Variants in FAM227A observed in about 807,000 individuals in gnomAD.
FAM227A encodes the protein protein FAM227A.
FAM227A carries 80 observed loss-of-function variants against 74.7 expected under a neutral mutation model. The observed-to-expected ratio is 1.07, with a 90% CI of 0.89 to 1.29. The LOEUF (loss-of-function observed/expected upper bound fraction) is 1.29, where lower values mean the gene tolerates loss of function less well. Among genes scored for constraint, FAM227A ranks in the 50% most tolerant of loss-of-function variants. FAM227A has a pLI of 0.00. For missense variants in FAM227A, 654 were observed against 683.4 expected, an observed-to-expected ratio of 0.96 and a Z score of 0.48; for synonymous variants, 237 against 241.8, an observed-to-expected ratio of 0.98 and a Z score of 0.19.
rs1160654192 is a variant in FAM227A at position 38,584,772 on chromosome 22, AAATTT to A, written c.*1348_*1352del. ...AACAGACTGAGAGTCTGCCTCTAAA[AAATTT>A]AATTTAGTTAAAATTAATTAAAAAA... On this transcript the variant is annotated 3_prime_UTR_variant, in exon 17 of 17. Transcript: ENST00000535113. The A allele has an allele frequency of 6.6e-6, 1 of 152,138 alleles. No individual in the cohort carries two copies. Among genetic ancestry groups the A allele is most frequent in the Non-Finnish European group, 1.5e-5 (1 of 68,052 alleles). The allele number at this position is 152,138 out of a possible 1,614,324, so 9.4% of individuals were successfully genotyped here. A position where few individuals can be genotyped will look rare whatever the true frequency, so the allele number is the denominator to read the frequency against.
intron 6 of FAM227A, among the ~76,000 whole-genome samples, 176 bp downstream of exon 6, chr22:38,636,275 G>A (rs1455737519): frequency 3.9e-5 from 6 of 152,164 alleles, no homozygotes; most frequent in Non-Finnish European, 5.9e-5. Flanking sequence ...CGTTGCTCTG[G>A]TAGAAGGAAT....
intron 11 of FAM227A, among the ~76,000 whole-genome samples, chr22:38,613,881 C>CT (rs563295794): frequency 9.2e-5 from 14 of 151,982 alleles, no homozygotes; most frequent in South Asian, 2.1e-4. Flanking sequence ...AGCTAGAATT[C>CT]TTTTTTTTGA....
At chr22:38,597,734 G>A (rs544578797) in intron 14 of FAM227A, among the ~76,000 whole-genome samples, 15 of 152,150 alleles carry the variant, frequency 9.9e-5, no homozygotes, top group African/African-American at 2.9e-4. Flanking sequence ...TCAGCCCAAG[G>A]CCTCATTCTC....
At chr22:38,649,610 T>C (rs2092294310) in intron 2 of FAM227A, among the ~76,000 whole-genome samples, 1 of 148,230 alleles carries the variant, frequency 6.7e-6, no homozygotes, top group Non-Finnish European at 1.5e-5. Flanking sequence ...CTCATGACTG[T>C]AATCCCAGCA....
Position 38,582,505 on chromosome 22 carries a change from C to A in FAM227A, c.*3620G>T. On this transcript the variant is annotated 3_prime_UTR_variant, in exon 17 of 17. Coordinates refer to ENST00000535113, the MANE Select transcript of FAM227A (RefSeq NM_001013647.2). ...TAGTTCCCTTTGATGCTCTACCCCG[C>A]TTCCCTTATAAAGGGCAAATAATTC... 7.6e-7 allele frequency: 1 copy of A among 1,316,798 alleles called. No homozygotes were observed. 81.6% of individuals were successfully genotyped at this position (1,316,798 alleles called of 1,614,324 possible). A position where few individuals can be genotyped will look rare whatever the true frequency, so the allele number is the denominator to read the frequency against.
Position 38,617,972 on chromosome 22 carries a change from A to C in FAM227A, c.1038+2240T>G, listed in dbSNP as rs140197764. ...TAAAAGAATAAACCAATTAAAAAAA[A>C]GATTAGCAGGGGAAACAGCCATGAT... On this transcript the variant is annotated intron_variant, in intron 11 of 16. Coordinates refer to ENST00000535113, the MANE Select transcript of FAM227A (RefSeq NM_001013647.2). 1.4e-4 allele frequency among the ~76,000 whole-genome samples: 22 copies of C among 152,318 alleles called. No homozygotes were observed. In the East Asian group the frequency reaches 4.1e-3, roughly 28 times the overall value.
intron 6 of FAM227A, among the ~76,000 whole-genome samples, chr22:38,631,248 G>A (rs1176387508): frequency 6.6e-6 from 1 of 151,628 alleles, no homozygotes; most frequent in Non-Finnish European, 1.5e-5. Context: ...CAACATAGAT[G>A]GAGCTGGAGG....
At chr22:38,643,575 A>G (rs1477211796) in intron 3 of FAM227A, among the ~76,000 whole-genome samples, 1 of 152,182 alleles carries the variant, frequency 6.6e-6, no homozygotes, top group Admixed American at 6.5e-5. Flanking sequence ...TGTTAACACC[A>G]CTTTGGAAGA....
chr22:38,628,606 G>A (rs2091856341), intron 7 of FAM227A, among the ~76,000 whole-genome samples: 1 of 152,220 alleles, frequency 6.6e-6, no homozygotes, highest in Non-Finnish European at 1.5e-5. Context: ...GCCTGTGACA[G>A]CTGTGCAACC....
At chr22:38,628,718 G>T in intron 7 of FAM227A, 116 bp downstream of exon 7, 1 of 705,706 alleles carries the variant, frequency 1.4e-6, no homozygotes. Flanking sequence ...GACAGGGGAG[G>T]CTGTGGGGTG....
At chr22:38,653,604 T>C (rs889692821) in intron 1 of FAM227A, among the ~76,000 whole-genome samples, 20 of 152,234 alleles carry the variant, frequency 1.3e-4, no homozygotes, top group African/African-American at 4.8e-4. Context: ...CTCAAACTCC[T>C]GACCTCGTGA....
chr22:38,591,988 G>A (rs560315688), intron 15 of FAM227A, among the ~76,000 whole-genome samples: 4 of 148,972 alleles, frequency 2.7e-5, no homozygotes, highest in South Asian at 4.2e-4. Flanking sequence ...TTGCTCTGTC[G>A]CCCAGGCTGG....
chr22:38,645,813 C>T (rs995808282), intron 2 of FAM227A, among the ~76,000 whole-genome samples, 168 bp from the exon 3 acceptor site: 2 of 152,074 alleles, frequency 1.3e-5, no homozygotes, highest in South Asian at 4.2e-4. Context: ...TGAGACAGGG[C>T]CACGCTTTGT....
intron 12 of FAM227A, among the ~76,000 whole-genome samples, chr22:38,606,988 C>T (rs764400834): frequency 6.6e-6 from 1 of 151,968 alleles, no homozygotes; most frequent in African/African-American, 2.4e-5. Context: ...ACCAGCCTGG[C>T]CAACATGGTG....
Position 38,583,017 on chromosome 22 carries a change from A to AGTAGCCTAGGCCTACAC in FAM227A, c.*3107_*3108insGTGTAGGCCTAGGCTAC. On this transcript the variant is annotated 3_prime_UTR_variant, in exon 17 of 17. Transcript: ENST00000535113. ...AAGCAGCAACAGACAAAAGATCCAG[A>AGTAGCCTAGGCCTACAC]AATAGGAAAGTGTGGTTCCTAGAGA... The AGTAGCCTAGGCCTACAC allele has an allele frequency of 6.6e-7, 1 of 1,515,878 alleles. No homozygotes were observed. The allele number at this position is 1,515,878 out of a possible 1,614,324, so 93.9% of individuals were successfully genotyped here. A position where few individuals can be genotyped will look rare whatever the true frequency, so the allele number is the denominator to read the frequency against.
rs938697637 is a variant in FAM227A, at chr22:38,578,289, T to G, written c.*7836A>C. ...AGAGTCGCTAGGTGATAGGAATTGT[T>G]TAGTTCCATTATAATCTTATGGGAC... On this transcript the variant is annotated 3_prime_UTR_variant, in exon 17 of 17. Coordinates refer to ENST00000535113, the MANE Select transcript of FAM227A (RefSeq NM_001013647.2). 9.2e-5 allele frequency: 14 copies of G among 152,112 alleles called. No homozygotes were observed. Among genetic ancestry groups the G allele is most frequent in the Non-Finnish European group, 4.4e-5 (3 of 68,020 alleles). The allele number at this position is 152,112 out of a possible 1,614,324, so 9.4% of individuals were successfully genotyped here.
chr22:38,599,632 C>A, intron 14 of FAM227A, 132 bp downstream of exon 14: 2 of 739,024 alleles, frequency 2.7e-6, no homozygotes, highest in Non-Finnish European at 3.9e-6. Context: ...CACCACTGGC[C>A]ACCTCTGGCG....
chr22:38,599,359 T>C (rs1240066557), intron 14 of FAM227A, among the ~76,000 whole-genome samples: 1 of 152,148 alleles, frequency 6.6e-6, no homozygotes, highest in African/African-American at 2.4e-5. Flanking sequence ...GGGAGGAATG[T>C]GTCTGAGGAG....
chr22:38,598,927 A>G (rs566212648), intron 14 of FAM227A, among the ~76,000 whole-genome samples: 2 of 151,320 alleles, frequency 1.3e-5, no homozygotes, highest in South Asian at 4.2e-4. Context: ...AAGACTCAGG[A>G]CACCAATATA....
Sources: gnomAD v4.1 joint callset for allele counts (sites outside exome capture counted in the v4.1 genomes callset) on GRCh38, gnomAD v4.1.1 for gene constraint, MANE v1.5 for transcripts, NCBI Gene and HGNC (gene_info 2026-07-23, HGNC 2026-07-21) for gene names.